The following FBN1 variants were observed in gnomAD, a reference collection of about 807,000 sequenced individuals.
FBN1 encodes the protein fibrillin 1, also known as fibrillin-1.
In FBN1, 29 loss-of-function variants were observed where a neutral mutation model predicts 365.1. The ratio of observed to expected loss-of-function variants is 0.08; its 90% confidence interval spans 0.06 to 0.11. The LOEUF (loss-of-function observed/expected upper bound fraction) is 0.11. Ranked by LOEUF, FBN1 falls within the 10% of genes least tolerant of loss-of-function variation. The pLI is 1.00. For missense variants in FBN1, 2,476 were observed against 3,703.2 expected (o/e 0.67, Z 8.60); for synonymous variants, 1,210 against 1,270.5 (o/e 0.95, Z 1.01).
chr15:48,555,705 C>T (rs1464714650), intron 6 of FBN1, among the ~76,000 whole-genome samples: 1 of 152,154 alleles, frequency 6.6e-6, no homozygotes, highest in Non-Finnish European at 1.5e-5. Flanking sequence ...ATAGAAGACA[C>T]TCAATATATC....
Position 48,425,461 on chromosome 15 carries a change from G to A in FBN1, c.7361C>T (p.Pro2454Leu), listed in dbSNP as rs1555394410. ...DLNECNQAPKPCNFICKNTEG... is the reference protein window; with the variant it reads ...DLNECNQAPKLCNFICKNTEG... ...TGTGTTTTTGCAGATAAAATTGCAG[G>A]GTTTGGGAGCCTGGTTGCACTCGTT... Residue 2454 changes from proline (P) to leucine (L), a missense_variant, in exon 60 of 66, where the codon CCC becomes CTC. Physicochemically the swap from Pro to Leu is moderately conservative, Grantham distance 98 (BLOSUM62 -3). This residue lies in a region of FBN1 where 1,780 missense variants were observed against 2,840.8 expected (regional missense o/e 0.63). Coordinates refer to ENST00000316623, the MANE Select transcript of FBN1 (RefSeq NM_000138.5). 1 of 1,614,018 alleles carries A rather than the reference G, an allele frequency of 6.2e-7. No individual in the cohort carries two copies. The highest frequency in any genetic ancestry group is 1.7e-5 in the Admixed American group (1 of 59,996).
At chr15:48,499,955 T>C (rs2043640863) in intron 17 of FBN1, among the ~76,000 whole-genome samples, 1 of 152,150 alleles carries the variant, frequency 6.6e-6, no homozygotes, top group Admixed American at 6.5e-5. Context: ...CTGAAGCAAA[T>C]AGTTCCTATC....
chr15:48,572,903 A>T (rs1234642369), intron 6 of FBN1, among the ~76,000 whole-genome samples: 1 of 152,162 alleles, frequency 6.6e-6, no homozygotes, highest in African/African-American at 2.4e-5. Flanking sequence ...TTGCATTTAA[A>T]TTTTTTTAAA....
At chr15:48,525,886 G>C (rs181288439) in intron 9 of FBN1, among the ~76,000 whole-genome samples, 40 of 152,280 alleles carry the variant, frequency 2.6e-4, no homozygotes, top group Admixed American at 2.2e-3. Context: ...TTAATTAATA[G>C]ACTGAAGATA....
At chr15:48,616,374 T>C (rs1213246861) in intron 2 of FBN1, among the ~76,000 whole-genome samples, 1 of 152,236 alleles carries the variant, frequency 6.6e-6, no homozygotes, top group Non-Finnish European at 1.5e-5. Context: ...ATTTGAAACA[T>C]GTAAGATTTC....
At position 48,628,389 on chromosome 15, in the gene FBN1, T is replaced by A. The variant is rs772526132; in HGVS notation, c.165-15297A>T. Among the ~76,000 whole-genome samples, 13 of 152,236 alleles carry A rather than the reference T, an allele frequency of 8.5e-5. 1 individual carries two copies. Among genetic ancestry groups the A allele is most frequent in the South Asian group, 8.3e-4 (4 of 4,816 alleles). On this transcript the variant is annotated intron_variant, in intron 2 of 65. Coordinates refer to ENST00000316623, the MANE Select transcript of FBN1 (RefSeq NM_000138.5). ...CTGAATATTAAAATCTCTGCAGATA[T>A]CTTCTTTATTACCCTCATAGTCCAA...
At chr15:48,546,568 T>C (rs544777567) in intron 6 of FBN1, among the ~76,000 whole-genome samples, 1 of 152,272 alleles carries the variant, frequency 6.6e-6, no homozygotes, top group South Asian at 2.1e-4. Context: ...GCCATGAGGT[T>C]GGATCCTTTG....
intron 6 of FBN1, among the ~76,000 whole-genome samples, chr15:48,582,890 A>C (rs569283088): frequency 6.6e-6 from 1 of 152,226 alleles, no homozygotes; most frequent in African/African-American, 2.4e-5. Context: ...TTGGAAACCT[A>C]TAAGAAGAGC....
chr15:48,575,702 G>A (rs183470721), intron 6 of FBN1, among the ~76,000 whole-genome samples: 3 of 151,692 alleles, frequency 2.0e-5, no homozygotes, highest in East Asian at 3.9e-4. Context: ...TTAAAAAGAC[G>A]CCTGTACTCA....
intron 7 of FBN1, among the ~76,000 whole-genome samples, chr15:48,536,992 T>C (rs1488787568): frequency 6.6e-6 from 1 of 152,126 alleles, no homozygotes. Context: ...CTGCCAGACA[T>C]CCAGACAATA....
At chr15:48,437,412 G>C in intron 51 of FBN1, 25 bp from the exon 52 acceptor site, 1 of 1,575,654 alleles carries the variant, frequency 6.3e-7, no homozygotes, top group Non-Finnish European at 8.7e-7. Context: ...CTCATTAATA[G>C]ATAGAACAAT....
At position 48,441,737 on chromosome 15, in the gene FBN1, A is replaced by G. The variant is rs553959381; in HGVS notation, c.6147T>C (p.Ser2049=). 5.0e-6 allele frequency: 8 copies of G among 1,613,526 alleles called. No individual in the cohort carries two copies. In the East Asian group the frequency reaches 1.8e-4, roughly 36 times the overall value. The change falls in exon 50 of 66, where the codon AGT becomes AGC. Residue 2049 remains serine (S), a synonymous_variant. Transcript: ENST00000316623. ...GACACTTACCTTGGCACCTTCTTCCACTGGAGGACAAGGAAAACCCTTCTG... is the reference window on the plus strand; with the variant it reads ...GACACTTACCTTGGCACCTTCTTCCGCTGGAGGACAAGGAAAACCCTTCTG... ...LCPEGFSLSS[S]GRRCQDLRMS... is the part of the protein sequence containing the mutation.
intron 6 of FBN1, among the ~76,000 whole-genome samples, chr15:48,574,259 C>A (rs1506521): frequency 0.1 from 15,832 of 152,120 alleles, 2,867 homozygotes; most frequent in African/African-American, 0.37. Flanking sequence ...GAAGTACAAA[C>A]AATGTTTTGG....
chr15:48,485,454 A>G lies in FBN1; in HGVS notation c.3632T>C (p.Phe1211Ser). 6.2e-7 allele frequency: 1 copy of G among 1,614,216 alleles called. No individual in the cohort carries two copies. Among genetic ancestry groups the G allele is most frequent in the Non-Finnish European group, 8.5e-7 (1 of 1,180,022 alleles). Residue 1211 changes from phenylalanine to serine, a missense_variant, in exon 30 of 66, where the codon TTC (phenylalanine) becomes TCC (serine). Phe to Ser is a radical substitution (Grantham distance 155, BLOSUM62 -2). Coordinates refer to ENST00000316623, the MANE Select transcript of FBN1 (RefSeq NM_000138.5). Reference sequence around the variant, plus strand: ...ATAGCTGCCTTCAGAGTTTGTGCAGAAGGTTTCACAACCACCATTCATTAT... The same window carrying G: ...ATAGCTGCCTTCAGAGTTTGTGCAGGAGGTTTCACAACCACCATTCATTAT... ...CSIMNGGCETFCTNSEGSYEC... is the reference protein window; with the variant it reads ...CSIMNGGCETSCTNSEGSYEC...
intron 55 of FBN1, among the ~76,000 whole-genome samples, chr15:48,432,216 A>G (rs2043027846): frequency 1.3e-5 from 2 of 152,132 alleles, no homozygotes. Flanking sequence ...TCATTTAGGA[A>G]ATTTCCCCAC....
intron 32 of FBN1, among the ~76,000 whole-genome samples, chr15:48,480,034 T>C (rs2043454854): frequency 6.6e-6 from 1 of 152,176 alleles, no homozygotes; most frequent in Admixed American, 6.5e-5. Flanking sequence ...TTATATGTCA[T>C]TTACCTAAAA....
In FBN1 at chr15:48,441,829, C is replaced by T. The variant is rs377149130; in HGVS notation, c.6055G>A (p.Glu2019Lys). The change falls in exon 50 of 66, where the codon GAA becomes AAA. Residue 2019 changes from glutamate (E) to lysine (K), a missense_variant. Transcript: ENST00000316623. ...CCCAGGGCACAAATTTCTGGCTCTT[C>T]GACACACTCATCAATATCTAAAAGA... ...EKCEDIDECV[E>K]EPEICALGTC... is the part of the protein sequence containing the mutation. 51 of 1,613,306 alleles carry T rather than the reference C, an allele frequency of 3.2e-5. No individual in the cohort carries two copies. Among genetic ancestry groups the T allele is most frequent in the Admixed American group, 8.3e-5 (5 of 59,944 alleles).
intron 45 of FBN1, among the ~76,000 whole-genome samples, chr15:48,449,364 T>C (rs923687518): frequency 6.6e-6 from 1 of 152,234 alleles, no homozygotes; most frequent in Non-Finnish European, 1.5e-5. Context: ...CATGGCTGCT[T>C]GTTCAAGTTG....
At chr15:48,412,443 G>C in intron 65 of FBN1, 126 bp downstream of exon 65, 1 of 970,570 alleles carries the variant, frequency 1.0e-6, no homozygotes. Context: ...CTAGAGCTCA[G>C]GGAATGTCTG....
Sources: allele counts gnomAD v4.1 joint callset (sites outside exome capture counted in the v4.1 genomes callset), GRCh38; gene constraint gnomAD v4.1.1; regional missense constraint gnomAD v4.1.1; transcripts MANE v1.5; gene names NCBI Gene and HGNC (gene_info 2026-07-23, HGNC 2026-07-21).